FAM117B: variants seen among roughly 807,000 people sequenced by gnomAD.
FAM117B encodes family with sequence similarity 117 member B, also known as protein FAM117B.
FAM117B carries 22 observed loss-of-function variants against 52.8 expected under a neutral mutation model. That is an observed-to-expected ratio of 0.42 (90% CI 0.30 to 0.59). The LOEUF (loss-of-function observed/expected upper bound fraction) is 0.59, where lower values mean the gene tolerates loss of function less well. Among genes scored for constraint, FAM117B ranks in the 20% least tolerant of loss-of-function variants. The pLI is 0.22. For missense variants in FAM117B, 678 were observed against 802.6 expected (o/e 0.84, Z 1.88); for synonymous variants, 309 against 324.1 (o/e 0.95, Z 0.50).
At chr2:202,643,814 A>G (rs1689810109) in intron 1 of FAM117B, among the ~76,000 whole-genome samples, 2 of 152,058 alleles carry the variant, frequency 1.3e-5, no homozygotes, top group South Asian at 4.1e-4. Flanking sequence ...GGTTCAAGCA[A>G]TTCTTATGCC....
At chr2:202,715,949 G>A (rs182254220) in intron 2 of FAM117B, among the ~76,000 whole-genome samples, 3,709 of 151,988 alleles carry the variant, frequency 0.024, 59 homozygotes, top group Non-Finnish European at 0.037. Flanking sequence ...AGGCGTGGTG[G>A]CGCGTGCCTG....
At chr2:202,745,589 G>A (rs952496917) in intron 4 of FAM117B, among the ~76,000 whole-genome samples, 1 of 152,170 alleles carries the variant, frequency 6.6e-6, no homozygotes, top group African/African-American at 2.4e-5. Flanking sequence ...TGACTGACAG[G>A]AGTAAGTTCT....
chr2:202,734,607 G>GCAC (rs1691410344), intron 4 of FAM117B, among the ~76,000 whole-genome samples: 3 of 152,154 alleles, frequency 2.0e-5, no homozygotes, highest in Admixed American at 6.5e-5. Flanking sequence ...TTGAAGTGTT[G>GCAC]AGTCCTGCTG....
At chr2:202,650,973 G>A (rs1016154628) in intron 1 of FAM117B, among the ~76,000 whole-genome samples, 1 of 151,502 alleles carries the variant, frequency 6.6e-6, no homozygotes, top group African/African-American at 2.4e-5. Context: ...ACAATACTTT[G>A]CATCCTTCAA....
intron 4 of FAM117B, among the ~76,000 whole-genome samples, chr2:202,753,283 C>A (rs1023654147): frequency 1.4e-4 from 22 of 152,088 alleles, no homozygotes; most frequent in African/African-American, 5.1e-4. Flanking sequence ...ATCTCCTATT[C>A]AGTAAATGGT....
intron 7 of FAM117B, among the ~76,000 whole-genome samples, chr2:202,763,164 C>T (rs111485191): frequency 0.25 from 37,712 of 150,318 alleles, 5,685 homozygotes; most frequent in Middle Eastern, 0.37. Context: ...CTCCACCTCC[C>T]GGGTTCGCGC....
At chr2:202,646,814 G>C (rs1332342160) in intron 1 of FAM117B, among the ~76,000 whole-genome samples, 1 of 152,000 alleles carries the variant, frequency 6.6e-6, no homozygotes, top group African/African-American at 2.4e-5. Context: ...TCCTTCTAAA[G>C]AAATTCCTGT....
chr2:202,699,426 C>CAAA (rs751190825), intron 2 of FAM117B, among the ~76,000 whole-genome samples: 74 of 17,702 alleles, frequency 4.2e-3, no homozygotes, highest in Admixed American at 5.0e-3. Flanking sequence ...GACCCCATCT[C>CAAA]AAAAAAAAAA....
chr2:202,692,161 T>C (rs2105775082), intron 1 of FAM117B, among the ~76,000 whole-genome samples: 1 of 152,232 alleles, frequency 6.6e-6, no homozygotes, highest in Admixed American at 6.5e-5. Context: ...TATAGAGAGG[T>C]GTCAAGAGGT....
chr2:202,719,270 TTTTA>T (rs1352189324), intron 2 of FAM117B, among the ~76,000 whole-genome samples: 2 of 152,354 alleles, frequency 1.3e-5, no homozygotes, highest in African/African-American at 4.8e-5. Context: ...TTATGCTTAT[TTTTA>T]TTTGTCTTAG....
At chr2:202,722,588 G>A (rs1241878375) in intron 2 of FAM117B, among the ~76,000 whole-genome samples, 2 of 152,064 alleles carry the variant, frequency 1.3e-5, no homozygotes, top group Admixed American at 1.3e-4. Flanking sequence ...ACCAAATACT[G>A]CATGTTCTCA....
chr2:202,753,326 C>G (rs1321864289), intron 4 of FAM117B, among the ~76,000 whole-genome samples: 2 of 152,130 alleles, frequency 1.3e-5, no homozygotes, highest in African/African-American at 2.4e-5. Flanking sequence ...ATGCAGAAAA[C>G]TGAAACTGGA....
chr2:202,737,338 A>G (rs141590307), intron 4 of FAM117B, among the ~76,000 whole-genome samples: 1,836 of 152,140 alleles, frequency 0.012, 15 homozygotes, highest in Non-Finnish European at 0.019. Context: ...TGATTGTACA[A>G]TTTATTAATT....
chr2:202,685,028 G>C (rs961522373), intron 1 of FAM117B, among the ~76,000 whole-genome samples: 2 of 152,036 alleles, frequency 1.3e-5, no homozygotes, highest in Non-Finnish European at 2.9e-5. Context: ...CATGGCCCAG[G>C]CTGGAATGCA....
At position 202,655,935 on chromosome 2, in the gene FAM117B, A is replaced by G. The variant is rs561997326; in HGVS notation, c.601+20147A>G. Reference sequence around the variant, plus strand: ...TTTAACTATAAATTCAGCTTATTTAATAGATACAGGACTATTAGGTTATCT... The same window carrying G: ...TTTAACTATAAATTCAGCTTATTTAGTAGATACAGGACTATTAGGTTATCT... On this transcript the variant is annotated intron_variant, in intron 1 of 7. Coordinates refer to ENST00000392238, the MANE Select transcript of FAM117B (RefSeq NM_173511.4). Among the ~76,000 whole-genome samples, 78 of 152,294 alleles carry G rather than the reference A, an allele frequency of 5.1e-4. 1 individual carries two copies. The highest frequency in any genetic ancestry group is 1.4e-3 in the African/African-American group (59 of 41,562).
intron 4 of FAM117B, among the ~76,000 whole-genome samples, chr2:202,746,079 T>C (rs1267593673): frequency 2.0e-5 from 3 of 152,190 alleles, no homozygotes; most frequent in Admixed American, 2.0e-4. Context: ...GCACTTAATC[T>C]GCACTGTAGG....
intron 2 of FAM117B, 126 bp from the exon 3 acceptor site, chr2:202,724,791 T>G: frequency 1.8e-6 from 1 of 545,438 alleles, no homozygotes; most frequent in Non-Finnish European, 3.0e-6. Context: ...TTTGAGTAAT[T>G]TGTGTTAATT....
chr2:202,682,919 G>A (rs1690483908), intron 1 of FAM117B, among the ~76,000 whole-genome samples: 1 of 152,092 alleles, frequency 6.6e-6, no homozygotes, highest in Non-Finnish European at 1.5e-5. Context: ...GATTATAGTA[G>A]GAAGAAAGGT....
intron 3 of FAM117B, 57 bp from the exon 4 acceptor site, chr2:202,726,193 G>T: frequency 8.9e-7 from 1 of 1,123,408 alleles, no homozygotes; most frequent in East Asian, 2.4e-5. Flanking sequence ...AAGCAAGGAT[G>T]TGTTTTTGTT....
Sources: allele counts gnomAD v4.1 joint callset (sites outside exome capture counted in the v4.1 genomes callset), GRCh38; gene constraint gnomAD v4.1.1; transcripts MANE v1.5; gene names NCBI Gene and HGNC (gene_info 2026-07-23, HGNC 2026-07-21).